The following LINGO2 variants were observed in gnomAD, a reference collection of about 807,000 sequenced individuals.
LINGO2 encodes the protein leucine-rich repeat and immunoglobulin-like domain-containing nogo receptor-interacting protein 2.
In LINGO2, 14 loss-of-function variants were observed where a neutral mutation model predicts 30.6. That is an observed-to-expected ratio of 0.46 (90% CI 0.30 to 0.72). The LOEUF (loss-of-function observed/expected upper bound fraction) is 0.72, where lower values mean the gene tolerates loss of function less well. Ranked by LOEUF, LINGO2 falls within the 30% of genes least tolerant of loss-of-function variation. LINGO2 has a pLI of 0.07. For synonymous variants in LINGO2, 317 were observed against 288.5 expected (o/e 1.10, Z -1.00); for missense variants, 729 against 751.7 (o/e 0.97, Z 0.35).
the LINGO2 span, among the ~76,000 whole-genome samples, chr9:28,934,999 A>G: frequency 3.2e-4 from 48 of 152,258 alleles, 1 homozygote; most frequent in South Asian, 9.9e-3. Flanking sequence ...CTTGATAATC[A>G]ATTTCTTTAA....
chr9:28,228,652 G>C (rs1433720421), intron 4 of LINGO2, among the ~76,000 whole-genome samples: 1 of 151,774 alleles, frequency 6.6e-6, no homozygotes, highest in Non-Finnish European at 1.5e-5. Flanking sequence ...AAAGAATAGA[G>C]AGATATGTTA....
intron 4 of LINGO2, among the ~76,000 whole-genome samples, chr9:28,071,214 G>A (rs1442842939): frequency 1.3e-5 from 2 of 152,104 alleles, no homozygotes; most frequent in African/African-American, 4.8e-5. Context: ...GTTGAGGTGG[G>A]GCATATATGA....
At chr9:27,956,742 T>C (rs1309181965) in intron 5 of LINGO2, among the ~76,000 whole-genome samples, 4 of 152,268 alleles carry the variant, frequency 2.6e-5, no homozygotes, top group Non-Finnish European at 5.9e-5. Context: ...GTAGGGAAGA[T>C]GATTTATTTT....
At chr9:28,225,881 G>A (rs767936673) in intron 4 of LINGO2, among the ~76,000 whole-genome samples, 8 of 151,996 alleles carry the variant, frequency 5.3e-5, no homozygotes, top group Non-Finnish European at 1.0e-4. Context: ...TGAAACAAAT[G>A]GCCATTTTGA....
the LINGO2 span, among the ~76,000 whole-genome samples, chr9:29,137,859 T>C: frequency 4.6e-5 from 7 of 152,084 alleles, no homozygotes; most frequent in Non-Finnish European, 7.4e-5. Context: ...GTATTGAAAC[T>C]ATCTGCATCT....
intron 1 of LINGO2, among the ~76,000 whole-genome samples, chr9:28,645,352 A>C (rs1341083572): frequency 6.6e-6 from 1 of 152,118 alleles, no homozygotes; most frequent in Non-Finnish European, 1.5e-5. Flanking sequence ...TTTAGAATAA[A>C]GAAAATGTTA....
At chr9:28,783,317 A>G in the LINGO2 span, among the ~76,000 whole-genome samples, 1 of 152,288 alleles carries the variant, frequency 6.6e-6, no homozygotes, top group East Asian at 1.9e-4. Context: ...ATCCTCCCAT[A>G]TTCTTCATAT....
chr9:28,790,325 C>CTTTCTTTCTTTTTTTTTTTTTT, the LINGO2 span, among the ~76,000 whole-genome samples: 1 of 106,298 alleles, frequency 9.4e-6, no homozygotes, highest in African/African-American at 3.9e-5. Context: ...TCTTTTCTTT[C>CTTTCTTTCTTTTTTTTTTTTTT]TTTTTTTTTT....
chr9:28,286,145 G>A (rs1349711300), intron 4 of LINGO2, among the ~76,000 whole-genome samples: 2 of 152,030 alleles, frequency 1.3e-5, no homozygotes, highest in African/African-American at 2.4e-5. Context: ...CTAAATAACG[G>A]CACTTTAGTT....
At chr9:28,978,284 T>C in the LINGO2 span, among the ~76,000 whole-genome samples, 1 of 152,100 alleles carries the variant, frequency 6.6e-6, no homozygotes, top group East Asian at 1.9e-4. Context: ...TTAATTTTCT[T>C]CTCCCTGGGG....
chr9:28,382,228 A>T (rs1389528136), intron 2 of LINGO2, among the ~76,000 whole-genome samples: 1 of 152,168 alleles, frequency 6.6e-6, no homozygotes, highest in Non-Finnish European at 1.5e-5. Context: ...CTTTGTGATT[A>T]TTAAGCTATC....
At chr9:28,720,835 G>A in the LINGO2 span, among the ~76,000 whole-genome samples, 3 of 151,922 alleles carry the variant, frequency 2.0e-5, no homozygotes, top group Non-Finnish European at 4.4e-5. Context: ...AATAAGCACA[G>A]GTTTTTGCAA....
In LINGO2 at chr9:28,088,539, C is replaced by A. The variant is rs529480423; in HGVS notation, c.-86-76134G>T. 3.9e-5 allele frequency among the ~76,000 whole-genome samples: 6 copies of A among 152,098 alleles called. No individual in the cohort carries two copies. In the South Asian group the frequency reaches 1.2e-3, roughly 32 times the overall value. On this transcript the variant is annotated intron_variant, in intron 4 of 5. Coordinates refer to ENST00000379992, the Ensembl canonical transcript of LINGO2. ...ATCCGTGGATGAAATGTAGGTATAT[C>A]CCAGGTCTAAGTCCTCTGGGTACTG...
At chr9:28,867,524 C>T in the LINGO2 span, among the ~76,000 whole-genome samples, 1 of 150,576 alleles carries the variant, frequency 6.6e-6, no homozygotes, top group Non-Finnish European at 1.5e-5. Flanking sequence ...CCCTACTGCA[C>T]CAATGTAAAC....
chr9:28,796,798 C>G, the LINGO2 span, among the ~76,000 whole-genome samples: 1 of 151,784 alleles, frequency 6.6e-6, no homozygotes, highest in Admixed American at 6.6e-5. Flanking sequence ...AAATTGCTGT[C>G]AAACACTGGG....
intron 4 of LINGO2, among the ~76,000 whole-genome samples, chr9:28,264,628 A>C (rs1323509534): frequency 6.6e-6 from 1 of 151,854 alleles, no homozygotes; most frequent in Admixed American, 6.6e-5. Context: ...ATGCTATGGA[A>C]AAGCATGGGT....
At chr9:28,811,902 G>A in the LINGO2 span, among the ~76,000 whole-genome samples, 2 of 151,906 alleles carry the variant, frequency 1.3e-5, no homozygotes, top group African/African-American at 2.4e-5. Flanking sequence ...CAAGGAACTC[G>A]TTTTCCTTAT....
At chr9:28,808,369 C>CT in the LINGO2 span, among the ~76,000 whole-genome samples, 4 of 152,216 alleles carry the variant, frequency 2.6e-5, no homozygotes, top group Non-Finnish European at 4.4e-5. Flanking sequence ...TTTTCAATGA[C>CT]TTTTTTTGTT....
the LINGO2 span, among the ~76,000 whole-genome samples, chr9:28,855,118 G>A: frequency 6.6e-6 from 1 of 151,898 alleles, no homozygotes; most frequent in Non-Finnish European, 1.5e-5. Flanking sequence ...TGATAAACGG[G>A]TTCTTTAGTG....
Sources: allele counts gnomAD v4.1 joint callset (sites outside exome capture counted in the v4.1 genomes callset), GRCh38; gene constraint gnomAD v4.1.1; transcripts MANE v1.5; gene names NCBI Gene and HGNC (gene_info 2026-07-23, HGNC 2026-07-21).